HSPH1: variants seen among roughly 807,000 people sequenced by gnomAD.
The protein encoded by HSPH1 is heat shock protein 105 kDa.
A neutral mutation model predicts 100.0 loss-of-function variants in HSPH1; 40 were observed. The ratio of observed to expected loss-of-function variants is 0.40; its 90% CI spans 0.31 to 0.52. The LOEUF (loss-of-function observed/expected upper bound fraction) is 0.52. Among genes scored for constraint, HSPH1 ranks in the 20% least tolerant of loss-of-function variants. The pLI is 0.54. For synonymous variants in HSPH1, 403 were observed against 344.0 expected (o/e 1.17, Z -1.90); for missense variants, 876 against 1,015.1 (o/e 0.86, Z 1.86).
At position 31,137,598 on chromosome 13, in the gene HSPH1, C is replaced by A. The variant is rs1043942199; in HGVS notation, c.2371-74G>T. 2.1e-5 allele frequency: 22 copies of A among 1,031,692 alleles called. No homozygotes were observed. The African/African-American group carries it at 2.6e-4, about 12-fold the overall frequency. The allele number at this position is 1,031,692 out of a possible 1,614,324, so 63.9% of individuals were successfully genotyped here. ...TCATTTTCAACTGCTTCTCCACATA[C>A]TCAACCCACTATTTTTCTACCAACT... On this transcript the variant is annotated intron_variant, in intron 17 of 17. Transcript: ENST00000320027.
At chr13:31,142,803 T>C (rs1956143029) in intron 12 of HSPH1, among the ~76,000 whole-genome samples, 1 of 151,910 alleles carries the variant, frequency 6.6e-6, no homozygotes. Context: ...TCGGCAAGAG[T>C]TGATGTGTAT....
intron 7 of HSPH1, among the ~76,000 whole-genome samples, chr13:31,150,577 C>T (rs1406319935): frequency 1.3e-5 from 2 of 152,182 alleles, no homozygotes; most frequent in Non-Finnish European, 2.9e-5. Context: ...GCATGTACCA[C>T]CATGCAGCCC....
At chr13:31,155,135 T>G (rs1956636613) in intron 3 of HSPH1, among the ~76,000 whole-genome samples, 1 of 152,108 alleles carries the variant, frequency 6.6e-6, no homozygotes, top group Non-Finnish European at 1.5e-5. Flanking sequence ...CAGGAATACC[T>G]CTGCAAGTTT....
upstream of HSPH1, chr13:31,161,917 C>G (rs1481706801): frequency 8.6e-6 from 13 of 1,514,980 alleles, no homozygotes; most frequent in Non-Finnish European, 1.1e-5. Flanking sequence ...AAGGGGAGGT[C>G]CCACTTCCTC....
chr13:31,143,124 G>GT (rs1318697036), intron 12 of HSPH1, among the ~76,000 whole-genome samples: 3 of 152,206 alleles, frequency 2.0e-5, no homozygotes, highest in Admixed American at 2.0e-4. Flanking sequence ...TTATTTACAT[G>GT]TAACTTGTAC....
At chr13:31,156,464 T>C (rs530365359) in intron 2 of HSPH1, among the ~76,000 whole-genome samples, 21 of 151,902 alleles carry the variant, frequency 1.4e-4, no homozygotes, top group African/African-American at 4.6e-4. Flanking sequence ...ATTGAGAGGC[T>C]GAGGCAGGAG....
At chr13:31,159,603 A>G (rs572939235) in intron 1 of HSPH1, among the ~76,000 whole-genome samples, 1 of 152,216 alleles carries the variant, frequency 6.6e-6, no homozygotes, top group African/African-American at 2.4e-5. Context: ...TCTTGTGAGA[A>G]GAAGGTAAGT....
intron 16 of HSPH1, 100 bp from the exon 17 acceptor site, chr13:31,138,668 C>A (rs1955972438): frequency 6.6e-7 from 1 of 1,514,420 alleles, no homozygotes; most frequent in South Asian, 1.3e-5. Context: ...CTACCTCTAA[C>A]CTCAAATACC....
chr13:31,158,801 C>G lies in HSPH1; in HGVS notation c.165+5G>C. ...AAGTGATCCGAATTCTCTTAAAGAA[C>G]ATACCTGATTTTTGGCTGCAACTCC... is the stretch of plus-strand genomic sequence containing the variant. On this transcript the variant is annotated splice_donor_5th_base_variant and intron_variant, in intron 2 of 17. Coordinates refer to ENST00000320027, the MANE Select transcript of HSPH1 (RefSeq NM_006644.4). 1.3e-6 allele frequency: 2 copies of G among 1,590,636 alleles called. No individual in the cohort carries two copies. Among genetic ancestry groups the G allele is most frequent in the Non-Finnish European group, 1.7e-6 (2 of 1,158,736 alleles).
chr13:31,161,542 T>C lies in HSPH1; in HGVS notation c.41A>G (p.Tyr14Cys), dbSNP rs147938673. The C allele has an allele frequency of 5.2e-5, 84 of 1,613,776 alleles. No individual in the cohort carries two copies. Among genetic ancestry groups the C allele is most frequent in the Non-Finnish European group, 6.5e-5 (77 of 1,179,946 alleles). Reference sequence around the variant, plus strand: ...GCCCCCGGCCCGGGCTACCGCGATGTAGCAGCTCTGCGAGCCCACGTCCAA... The same window carrying C: ...GCCCCCGGCCCGGGCTACCGCGATGCAGCAGCTCTGCGAGCCCACGTCCAA... ...VGLDVGSQSCYIAVARAGGIE... is the reference protein window; with the variant it reads ...VGLDVGSQSCCIAVARAGGIE... Residue 14 changes from tyrosine (Y) to cysteine (C), a missense_variant, in exon 1 of 18, where the codon TAC becomes TGC. Tyr to Cys is a radical substitution (Grantham distance 194, BLOSUM62 -2). Transcript: ENST00000320027.
intron 4 of HSPH1, 160 bp downstream of exon 4, chr13:31,154,473 T>C: frequency 1.2e-6 from 1 of 816,938 alleles, no homozygotes; most frequent in Non-Finnish European, 2.0e-6. Flanking sequence ...AAAATATCAC[T>C]CAAATCTACT....
rs1955883537 is a variant in HSPH1 at position 31,136,371 on chromosome 13, A to G, written c.*947T>C. On this transcript the variant is annotated 3_prime_UTR_variant, in exon 18 of 18. Transcript: ENST00000320027. ...CCATCATTAGGGGTAAAAGGCTCCA[A>G]GGATGTATAACGAAGTGTTAACAAT... is the stretch of plus-strand genomic sequence containing the variant. The G allele has an allele frequency of 6.6e-6, 1 of 152,204 alleles. No individual in the cohort carries two copies. The highest frequency in any genetic ancestry group is 1.5e-5 in the Non-Finnish European group (1 of 68,038). The allele number at this position is 152,204 out of a possible 1,614,324, so 9.4% of individuals were successfully genotyped here.
At chr13:31,152,724 C>CT (rs757157569) in intron 5 of HSPH1, 128 bp downstream of exon 5, 4 of 640,446 alleles carry the variant, frequency 6.2e-6, no homozygotes, top group Non-Finnish European at 8.3e-6. Flanking sequence ...AAGAGGTAGA[C>CT]TTTTGTTTTC....
At chr13:31,155,698 A>G (rs1956661402) in intron 2 of HSPH1, 44 bp from the exon 3 acceptor site, 1 of 1,485,496 alleles carries the variant, frequency 6.7e-7, no homozygotes, top group Non-Finnish European at 9.2e-7. Context: ...CTTTAATTTC[A>G]CCACCTACCA....
Position 31,154,706 on chromosome 13 carries a change from G to A in HSPH1, c.356C>T (p.Ala119Val), listed in dbSNP as rs1289302829. Residue 119 changes from alanine to valine, a missense_variant, in exon 4 of 18, where the codon GCC becomes GTC. By Grantham distance (64) the Ala-to-Val change is moderately conservative. Coordinates refer to ENST00000320027, the MANE Select transcript of HSPH1 (RefSeq NM_006644.4). ...EHLFSVEQIT[A>V]MLLTKLKETA... ...TTCCTTCAGCTTAGTCAACAACATGGCTGTTATCTGCTCCACACTAAATAG... is the reference window on the plus strand; with the variant it reads ...TTCCTTCAGCTTAGTCAACAACATGACTGTTATCTGCTCCACACTAAATAG... 6.2e-7 allele frequency: 1 copy of A among 1,613,258 alleles called. No individual in the cohort carries two copies. Among genetic ancestry groups the A allele is most frequent in the African/African-American group, 1.3e-5 (1 of 74,890 alleles).
At chr13:31,159,366 G>A (rs986097849) in intron 1 of HSPH1, among the ~76,000 whole-genome samples, 3 of 152,116 alleles carry the variant, frequency 2.0e-5, no homozygotes, top group Non-Finnish European at 4.4e-5. Flanking sequence ...AGTTTAAAGA[G>A]CACAAAGAGG....
intron 12 of HSPH1, among the ~76,000 whole-genome samples, chr13:31,142,851 G>T (rs528359844): frequency 6.6e-6 from 1 of 152,162 alleles, no homozygotes; most frequent in Non-Finnish European, 1.5e-5. Context: ...TTGAAACTAA[G>T]CATCTATTTT....
chr13:31,161,509 G>A lies in HSPH1; in HGVS notation c.74C>T (p.Thr25Ile), dbSNP rs777127193. 3 of 1,613,968 alleles carry A rather than the reference G, an allele frequency of 1.9e-6. No homozygotes were observed. The highest frequency in any genetic ancestry group is 3.3e-5 in the Admixed American group (2 of 60,024). ...IAVARAGGIE[T>I]IANEFSDRCT... ...CCGGTCGCTGAACTCATTGGCGATG[G>A]TCTCGATGCCCCCGGCCCGGGCTAC... The change falls in exon 1 of 18, where the codon ACC (threonine) becomes ATC (isoleucine). Residue 25 changes from threonine (T) to isoleucine (I), a missense_variant. Thr to Ile is a moderately conservative substitution (Grantham distance 89). Transcript: ENST00000320027.
At chr13:31,149,867 G>A in intron 8 of HSPH1, 87 bp downstream of exon 8, 3 of 1,029,516 alleles carry the variant, frequency 2.9e-6, no homozygotes, top group South Asian at 1.3e-5. Context: ...CTAGACACAG[G>A]TCTCTGTTTA....
Sources: allele counts gnomAD v4.1 joint callset (sites outside exome capture counted in the v4.1 genomes callset), GRCh38; gene constraint gnomAD v4.1.1; transcripts MANE v1.5; gene names NCBI Gene and HGNC (gene_info 2026-07-23, HGNC 2026-07-21).